Variants in RIPOR2 observed in about 807,000 individuals in gnomAD.
RIPOR2 encodes rho family-interacting cell polarization regulator 2.
A neutral mutation model predicts 114.5 loss-of-function variants in RIPOR2; 39 were observed. The ratio of observed to expected loss-of-function variants is 0.34; its 90% CI spans 0.26 to 0.44. RIPOR2 has a LOEUF of 0.44. Ranked by LOEUF, RIPOR2 falls within the 20% of genes least tolerant of loss-of-function variation. RIPOR2 has a pLI of 1.00. For synonymous variants in RIPOR2, 445 were observed against 484.4 expected (o/e 0.92, Z 1.07); for missense variants, 1,007 against 1,255.1 (o/e 0.80, Z 2.99).
At chr6:24,865,565 G>T in intron 6 of RIPOR2, 115 bp from the exon 7 acceptor site, 1 of 839,088 alleles carries the variant, frequency 1.2e-6, no homozygotes. Context: ...AGAGAATCCT[G>T]TAGAAGTATT....
chr6:24,873,768 G>A lies in RIPOR2; in HGVS notation c.220C>T (p.Leu74Phe), dbSNP rs1309464103. Residue 74 changes from leucine (L) to phenylalanine (F), a missense_variant, in exon 3 of 22, where the codon CTC becomes TTC. Transcript: ENST00000643898. ...TTCAGTTTGGCCTGAGGCTTCTTGAGAGCGGAGGAATTTTCAATGAAGGAG... is the reference window on the plus strand; with the variant it reads ...TTCAGTTTGGCCTGAGGCTTCTTGAAAGCGGAGGAATTTTCAATGAAGGAG... ...CNSFIENSSA[L>F]KKPQAKLKKM... 3.7e-6 allele frequency: 6 copies of A among 1,612,418 alleles called. No individual in the cohort carries two copies. Among genetic ancestry groups the A allele is most frequent in the Non-Finnish European group, 1.7e-6 (2 of 1,179,454 alleles).
At chr6:24,958,965 T>TTTTTTTTTC (rs1398735760) in intron 1 of RIPOR2, among the ~76,000 whole-genome samples, 1 of 150,394 alleles carries the variant, frequency 6.6e-6, no homozygotes, top group African/African-American at 2.5e-5. Context: ...TTTCTTTTTT[T>TTTTTTTTTC]TTTGGAGACA....
chr6:24,953,566 G>A (rs425081), intron 1 of RIPOR2, among the ~76,000 whole-genome samples: 147,581 of 152,302 alleles, frequency 0.97, 71,518 homozygotes, highest in East Asian at 1. Flanking sequence ...ACTTCAAAGT[G>A]TGGTACCTTG....
chr6:25,039,212 G>C (rs9393609), intron 1 of RIPOR2, among the ~76,000 whole-genome samples: 35,324 of 152,150 alleles, frequency 0.23, 4,715 homozygotes, highest in Admixed American at 0.35. Context: ...ATATTGTTGA[G>C]GGCCACCCTT....
In RIPOR2 at chr6:24,872,943, G is replaced by T; in HGVS notation, c.361C>A (p.His121Asn). ...KNGLDEYLEV[H>N]QTELDKLTAQ... ...GTCAACTTGTCCAGCTCCGTCTGGTGAACCTCCAGATATTCACTGCAAAGA... is the reference window on the plus strand; with the variant it reads ...GTCAACTTGTCCAGCTCCGTCTGGTTAACCTCCAGATATTCACTGCAAAGA... The change falls in exon 4 of 22, where the codon CAC becomes AAC. Residue 121 changes from histidine (H) to asparagine (N), a missense_variant. His to Asn is a moderately conservative substitution (Grantham distance 68). Transcript: ENST00000643898. The T allele has an allele frequency of 6.2e-7, 1 of 1,609,980 alleles. No homozygotes were observed. Among genetic ancestry groups the T allele is most frequent in the Non-Finnish European group, 8.5e-7 (1 of 1,176,530 alleles).
intron 1 of RIPOR2, among the ~76,000 whole-genome samples, chr6:25,006,797 T>C (rs1394771867): frequency 6.6e-6 from 1 of 152,236 alleles, no homozygotes; most frequent in Non-Finnish European, 1.5e-5. Context: ...AGCACAGCTA[T>C]ATAAGAAGCC....
chr6:25,029,423 AAAAAAAAAAAG>A (rs1776800483), intron 1 of RIPOR2, among the ~76,000 whole-genome samples: 1 of 151,196 alleles, frequency 6.6e-6, no homozygotes, highest in South Asian at 2.1e-4. Context: ...AAAAAAAAAA[AAAAAAAAAAAG>A]AAGAAGAAGT....
At chr6:24,894,584 C>T (rs1411403680) in intron 1 of RIPOR2, among the ~76,000 whole-genome samples, 1 of 152,196 alleles carries the variant, frequency 6.6e-6, no homozygotes, top group African/African-American at 2.4e-5. Flanking sequence ...GCCCCACAAA[C>T]ATCATCAATC....
chr6:24,872,826 A>C, intron 4 of RIPOR2, 55 bp downstream of exon 4: 1 of 1,180,948 alleles, frequency 8.5e-7, no homozygotes, highest in South Asian at 1.2e-5. Context: ...CAGTAAAAGA[A>C]GCTATTTGGC....
intron 1 of RIPOR2, among the ~76,000 whole-genome samples, chr6:24,980,701 G>C (rs1299850154): frequency 6.6e-6 from 1 of 152,192 alleles, no homozygotes; most frequent in Non-Finnish European, 1.5e-5. Context: ...TGGGTATAAA[G>C]GCAAGTGTGT....
In RIPOR2 at chr6:24,830,509, C is replaced by G; in HGVS notation, c.2506G>C (p.Val836Leu). 3 of 1,550,266 alleles carry G rather than the reference C, an allele frequency of 1.9e-6. No individual in the cohort carries two copies. Among genetic ancestry groups the G allele is most frequent in the Non-Finnish European group, 2.6e-6 (3 of 1,146,762 alleles). ...NKEYPGLADP[V>L]FRTLVSQILD... ...TTCTCTCTCTACTGCTGCCTCATAC[C>G]TGGGTCTGCAAGTCCTGGATATTCT... The change falls in exon 17 of 22, where the codon GTG (valine) becomes CTG (leucine). Residue 836 changes from valine to leucine, a missense_variant and splice_region_variant. Transcript: ENST00000643898.
Position 25,024,138 on chromosome 6 carries a change from G to T in RIPOR2, c.76+17713C>A. ...GGACCTGATATTCCCCTTACCGGTG[G>T]CGCCGCGGGACACCCCCTCCTGCTG... is the stretch of plus-strand genomic sequence containing the variant. On this transcript the variant is annotated intron_variant, in intron 1 of 13. Coordinates refer to the RIPOR2 transcript ENST00000510784. 3.2e-6 allele frequency: 3 copies of T among 949,286 alleles called. No homozygotes were observed. The Admixed American group carries it at 5.3e-5, about 17-fold the overall frequency. 58.8% of individuals were successfully genotyped at this position (949,286 alleles called of 1,614,324 possible). A position where few individuals can be genotyped will look rare whatever the true frequency, so the allele number is the denominator to read the frequency against.
At chr6:25,019,808 G>GAAAGAA (rs1776226297) in intron 1 of RIPOR2, among the ~76,000 whole-genome samples, 1 of 128,952 alleles carries the variant, frequency 7.8e-6, no homozygotes, top group African/African-American at 3.0e-5. Flanking sequence ...AGAAAAGAAA[G>GAAAGAA]AAAGAAAAAG....
chr6:24,976,444 A>C lies in RIPOR2; in HGVS notation c.76+65407T>G. On this transcript the variant is annotated intron_variant, in intron 1 of 13. Coordinates refer to the RIPOR2 transcript ENST00000510784. ...ATGGTCAACCCCACCATGTTCTTCG[A>C]CATTGCCGTCGACGGTGAGCCCTTG... 11 of 1,566,466 alleles carry C rather than the reference A, an allele frequency of 7.0e-6. No homozygotes were observed. In the South Asian group the frequency reaches 1.1e-4, roughly 16 times the overall value.
intron 1 of RIPOR2, among the ~76,000 whole-genome samples, chr6:24,915,117 G>A (rs1183531878): frequency 6.6e-6 from 1 of 152,146 alleles, no homozygotes; most frequent in Non-Finnish European, 1.5e-5. Flanking sequence ...TTATAACTGT[G>A]ATGCTTCTTA....
At chr6:24,861,136 G>A (rs763930255) in intron 7 of RIPOR2, 100 bp from the exon 8 acceptor site, 3 of 727,846 alleles carry the variant, frequency 4.1e-6, no homozygotes, top group East Asian at 2.7e-5. Context: ...CGTGAACAAC[G>A]AGAAGCATTT....
At chr6:24,852,863 G>C (rs946052622) in intron 8 of RIPOR2, among the ~76,000 whole-genome samples, 1 of 152,204 alleles carries the variant, frequency 6.6e-6, no homozygotes, top group African/African-American at 2.4e-5. Context: ...GCTGGGCAAG[G>C]AGGGGAGCTA....
chr6:24,897,404 G>A (rs1210441087), intron 1 of RIPOR2, among the ~76,000 whole-genome samples: 3 of 152,206 alleles, frequency 2.0e-5, no homozygotes, highest in Admixed American at 2.0e-4. Context: ...AGAGAAGGGG[G>A]CCACAGCGTG....
At chr6:25,014,085 A>T (rs1306324684) in intron 1 of RIPOR2, among the ~76,000 whole-genome samples, 3 of 152,224 alleles carry the variant, frequency 2.0e-5, no homozygotes, top group African/African-American at 7.2e-5. Flanking sequence ...TGCATCAGCA[A>T]GGTTGGGGCT....
Sources: gnomAD v4.1 joint callset for allele counts (sites outside exome capture counted in the v4.1 genomes callset) on GRCh38, gnomAD v4.1.1 for gene constraint, MANE v1.5 for transcripts, NCBI Gene and HGNC (gene_info 2026-07-23, HGNC 2026-07-21) for gene names.